The following FCRL2 variants were observed in gnomAD, a reference collection of about 807,000 sequenced individuals.
FCRL2 encodes the protein Fc receptor like 2, also known as Fc receptor-like protein 2.
A neutral mutation model predicts 59.8 loss-of-function variants in FCRL2; 48 were observed. The ratio of observed to expected loss-of-function variants is 0.80; its 90% CI spans 0.64 to 1.02. The LOEUF (loss-of-function observed/expected upper bound fraction) is 1.02, where lower values mean the gene tolerates loss of function less well. Ranked by LOEUF, FCRL2 falls within the 50% of genes least tolerant of loss-of-function variation. The pLI is 0.00. For synonymous variants in FCRL2, 251 were observed against 229.5 expected (o/e 1.09, Z -0.85); for missense variants, 658 against 597.3 (o/e 1.10, Z -1.06).
chr1:157,748,431 G>C (rs916139738), intron 10 of FCRL2, 122 bp downstream of exon 10: 5 of 402,502 alleles, frequency 1.2e-5, no homozygotes, highest in African/African-American at 1.1e-4. Context: ...AAAGTAGATA[G>C]ATAGATAGAC....
At chr1:157,760,698 G>GGAAAGAAGGAAATAAAGAAA (rs1648978963) in intron 7 of FCRL2, among the ~76,000 whole-genome samples, 1 of 97,206 alleles carries the variant, frequency 1.0e-5, no homozygotes, top group African/African-American at 4.7e-5. Flanking sequence ...AAAGAAAGAA[G>GGAAAGAAGGAAATAAAGAAA]GAAAGAAAGA....
chr1:157,767,722 G>A (rs911215240), intron 5 of FCRL2: 4 of 1,532,424 alleles, frequency 2.6e-6, no homozygotes, highest in African/African-American at 1.4e-5. Flanking sequence ...CTGCAGACAC[G>A]GTCATCTGTT....
rs1018507577 is a variant in FCRL2 at position 157,768,640 on chromosome 1, T to C, written c.657A>G (p.Gly219=). ...IRAPGGQVTE[G]QKLILLCSVA... Reference sequence around the variant, plus strand: ...CTGAGCAGAGCAGGATCAGTTTTTGTCCTTCAGTCACCTGTCCCCCGGGGG... The same window carrying C: ...CTGAGCAGAGCAGGATCAGTTTTTGCCCTTCAGTCACCTGTCCCCCGGGGG... Residue 219 remains glycine (G), a synonymous_variant, in exon 5 of 12, where the codon GGA becomes GGG. Coordinates refer to ENST00000361516, the MANE Select transcript of FCRL2 (RefSeq NM_030764.4). 1.9e-6 allele frequency: 3 copies of C among 1,614,074 alleles called. No individual in the cohort carries two copies. The highest frequency in any genetic ancestry group is 2.5e-6 in the Non-Finnish European group (3 of 1,180,028).
intron 7 of FCRL2, among the ~76,000 whole-genome samples, chr1:157,756,839 G>T (rs1035612628): frequency 2.0e-5 from 3 of 152,108 alleles, no homozygotes; most frequent in Non-Finnish European, 4.4e-5. Flanking sequence ...AGTATGTGAG[G>T]CAATACATAT....
At chr1:157,766,218 T>C (rs1435870755) in intron 7 of FCRL2, among the ~76,000 whole-genome samples, 2 of 152,242 alleles carry the variant, frequency 1.3e-5, no homozygotes, top group East Asian at 3.8e-4. Context: ...ACGCCTATAA[T>C]CCCAGCACTT....
At chr1:157,775,403 G>A (rs1158696761) in intron 2 of FCRL2, among the ~76,000 whole-genome samples, 2 of 152,180 alleles carry the variant, frequency 1.3e-5, no homozygotes, top group African/African-American at 4.8e-5. Context: ...TCTATAAATA[G>A]CTGTTTTCAG....
chr1:157,761,611 C>A (rs569832654), intron 7 of FCRL2, among the ~76,000 whole-genome samples: 3 of 151,706 alleles, frequency 2.0e-5, no homozygotes, highest in Non-Finnish European at 4.4e-5. Flanking sequence ...CTTGTCTCCC[C>A]CAAAAGGCAC....
At chr1:157,766,339 C>T (rs1015727172) in intron 7 of FCRL2, among the ~76,000 whole-genome samples, 30 of 151,932 alleles carry the variant, frequency 2.0e-4, no homozygotes, top group African/African-American at 5.6e-4. Context: ...GGTGTGGTGG[C>T]GGGCGCCTGT....
chr1:157,764,241 A>AC (rs557560861), intron 7 of FCRL2, among the ~76,000 whole-genome samples: 20 of 152,156 alleles, frequency 1.3e-4, no homozygotes, highest in African/African-American at 4.6e-4. Context: ...GTGAAAAAAA[A>AC]ACACAAAAAT....
At chr1:157,772,541 A>T (rs759081209) in intron 2 of FCRL2, among the ~76,000 whole-genome samples, 39 of 152,220 alleles carry the variant, frequency 2.6e-4, no homozygotes, top group Non-Finnish European at 5.0e-4. Flanking sequence ...CTGGAAGTGA[A>T]CTTGCGGCCA....
intron 7 of FCRL2, among the ~76,000 whole-genome samples, chr1:157,758,258 G>A (rs1163577628): frequency 6.6e-6 from 1 of 152,134 alleles, no homozygotes; most frequent in African/African-American, 2.4e-5. Context: ...AAAAGAATGA[G>A]GAACTGGGAA....
intron 2 of FCRL2, among the ~76,000 whole-genome samples, chr1:157,775,380 T>G (rs1385149363): frequency 1.3e-5 from 2 of 152,240 alleles, no homozygotes; most frequent in Non-Finnish European, 2.9e-5. Context: ...AGTTTGTAGT[T>G]CTGACACATT....
At chr1:157,776,301 A>C (rs1032289113) in intron 1 of FCRL2, among the ~76,000 whole-genome samples, 4 of 151,928 alleles carry the variant, frequency 2.6e-5, no homozygotes, top group African/African-American at 9.7e-5. Flanking sequence ...GATCTTATTT[A>C]CTCTCTCACC....
At chr1:157,769,725 C>A (rs1176440657) in intron 4 of FCRL2, 141 bp downstream of exon 4, 2 of 1,071,320 alleles carry the variant, frequency 1.9e-6, no homozygotes, top group Non-Finnish European at 2.6e-6. Context: ...CCGCGCCCGG[C>A]CGCAACCTGG....
rs781526798 is a variant in FCRL2 at position 157,767,557 on chromosome 1, A to G, written c.884-48T>C. On this transcript the variant is annotated intron_variant, in intron 5 of 11. Coordinates refer to ENST00000361516, the MANE Select transcript of FCRL2 (RefSeq NM_030764.4). ...CAGAAAAGATTTGTGATGCCTCAAT[A>G]GATTCACAAACTCCCAACCTGCAGG... The G allele has an allele frequency of 2.5e-6, 4 of 1,614,270 alleles. No homozygotes were observed. The South Asian group carries it at 4.4e-5, about 18-fold the overall frequency.
chr1:157,757,599 G>A (rs560203360), intron 7 of FCRL2, among the ~76,000 whole-genome samples: 8 of 152,292 alleles, frequency 5.3e-5, no homozygotes, highest in Non-Finnish European at 1.2e-4. Context: ...TAAGAGAAGA[G>A]GCCTCAGAAT....
chr1:157,767,632 A>G (rs1259460672), intron 5 of FCRL2, 123 bp from the exon 6 acceptor site: 5 of 1,613,276 alleles, frequency 3.1e-6, no homozygotes, highest in East Asian at 2.2e-5. Flanking sequence ...CCATTCCCAC[A>G]TTCCCACTAG....
rs746103232 is a variant in FCRL2, at chr1:157,768,661, G to A, written c.636C>T (p.Pro212=). The change falls in exon 5 of 12, where the codon CCC becomes CCT. Residue 212 remains proline (P), a synonymous_variant. Transcript: ENST00000361516. ...TTTGTCCTTCAGTCACCTGTCCCCC[G>A]GGGGCCCGGATCTCCAAGCTTACAT... The part of the protein sequence containing the change: ...ISNVSLEIRA[P]GGQVTEGQKL... 2.6e-5 allele frequency: 42 copies of A among 1,613,316 alleles called. No individual in the cohort carries two copies. In the East Asian group the frequency reaches 4.9e-4, roughly 19 times the overall value.
At chr1:157,750,601 G>A (rs1246307257) in intron 7 of FCRL2, among the ~76,000 whole-genome samples, 1 of 152,186 alleles carries the variant, frequency 6.6e-6, no homozygotes, top group Non-Finnish European at 1.5e-5. Flanking sequence ...ACTTTGTTAG[G>A]CTTTACAGAA....
Sources: gnomAD v4.1 joint callset for allele counts (sites outside exome capture counted in the v4.1 genomes callset) on GRCh38, gnomAD v4.1.1 for gene constraint, MANE v1.5 for transcripts, NCBI Gene and HGNC (gene_info 2026-07-23, HGNC 2026-07-21) for gene names.